The following THTPA variants were observed in gnomAD, a reference collection of about 807,000 sequenced individuals.
THTPA encodes thiamine triphosphatase.
In THTPA, 16 loss-of-function variants were observed where a neutral mutation model predicts 16.5. The ratio of observed to expected loss-of-function variants is 0.97; its 90% CI spans 0.66 to 1.47. The LOEUF (loss-of-function observed/expected upper bound fraction) is 1.47. Ranked by LOEUF, THTPA falls within the 40% of genes most tolerant of loss-of-function variation. The pLI is 0.00. For missense variants in THTPA, 281 were observed against 280.9 expected (o/e 1.00, Z 0.00); for synonymous variants, 110 against 115.5 (o/e 0.95, Z 0.30).
the THTPA span, chr14:23,533,969 G>A: frequency 3.3e-6 from 5 of 1,537,776 alleles, no homozygotes; most frequent in Non-Finnish European, 3.5e-6. This position sits in a 1 kb window ranked among gnomAD's most constrained non-coding sequence, Gnocchi z 4.8. Flanking sequence ...GGACACTTGA[G>A]TGTCTTGCAG....
intron 1 of THTPA, among the ~76,000 whole-genome samples, chr14:23,557,542 A>G (rs1208014542): frequency 1.3e-5 from 2 of 152,036 alleles, no homozygotes; most frequent in Non-Finnish European, 2.9e-5. Flanking sequence ...GGCCTGGATT[A>G]TTTTTGTAAT....
At chr14:23,525,689 T>A in the THTPA span, 3 of 1,529,798 alleles carry the variant, frequency 2.0e-6, no homozygotes, top group Admixed American at 3.9e-5. This position sits in a 1 kb window ranked among gnomAD's most constrained non-coding sequence, Gnocchi z 5.9. Context: ...CTCATTACCC[T>A]CTTTGGCCAT....
At chr14:23,526,435 G>A in the THTPA span, 44 of 1,536,350 alleles carry the variant, frequency 2.9e-5, no homozygotes, top group Non-Finnish European at 3.7e-5. Flanking sequence ...AGGTCAGAGG[G>A]TGGCGAGAGT....
chr14:23,517,424 A>G, the THTPA span, among the ~76,000 whole-genome samples: 51 of 152,310 alleles, frequency 3.3e-4, no homozygotes, highest in South Asian at 0.01. Flanking sequence ...GGCTGGGTCT[A>G]CAGACTTGCT....
chr14:23,544,690 CTAA>C, the THTPA span, among the ~76,000 whole-genome samples: 6 of 152,198 alleles, frequency 3.9e-5, no homozygotes, highest in Non-Finnish European at 8.8e-5. Context: ...TGGCCCAGCC[CTAA>C]TGAGTGTGAT....
Position 23,557,172 on chromosome 14 carries a change from GAGCCAC to G in THTPA, c.419_424del (p.Pro140_Gln141del), listed in dbSNP as rs1463399839. 1 of 1,614,028 alleles carries G rather than the reference GAGCCAC, an allele frequency of 6.2e-7. No individual in the cohort carries two copies. Among genetic ancestry groups the G allele is most frequent in the East Asian group, 2.2e-5 (1 of 44,896 alleles). On this transcript the variant is annotated inframe_deletion, in exon 1 of 2. Coordinates refer to ENST00000288014, the MANE Select transcript of THTPA (RefSeq NM_024328.6). ...GGTGCTCTTGGGAGCTGATGAAGAG[GAGCCAC>G]AGCTCAGGGTGGACTTGGATACAGC... is the stretch of plus-strand genomic sequence containing the variant.
rs746482320 is a variant in THTPA, at chr14:23,560,238, C to T, written c.*1398C>T. The T allele has an allele frequency of 6.2e-7, 1 of 1,612,586 alleles. No homozygotes were observed. The highest frequency in any genetic ancestry group is 8.5e-7 in the Non-Finnish European group (1 of 1,179,808). Reference sequence around the variant, plus strand: ...CTGGAGTCCCCAGGCCACCTCTGAACTCTGATCTTTACAAACCTTGGGCAC... The same window carrying T: ...CTGGAGTCCCCAGGCCACCTCTGAATTCTGATCTTTACAAACCTTGGGCAC... On this transcript the variant is annotated 3_prime_UTR_variant, in exon 2 of 2. Transcript: ENST00000288014.
the THTPA span, chr14:23,531,788 T>A: frequency 7.9e-7 from 1 of 1,269,478 alleles, no homozygotes; most frequent in Non-Finnish European, 9.9e-7. Flanking sequence ...GGACTTTTTT[T>A]TTTTTTCTAG....
At chr14:23,549,543 T>TA in the THTPA span, among the ~76,000 whole-genome samples, 11 of 150,258 alleles carry the variant, frequency 7.3e-5, no homozygotes, top group East Asian at 3.9e-4. Context: ...ACTGCCTCAT[T>TA]AAAAAAAAAT....
the THTPA span, among the ~76,000 whole-genome samples, chr14:23,529,075 C>A: frequency 6.6e-6 from 1 of 152,246 alleles, no homozygotes; most frequent in Non-Finnish European, 1.5e-5. Flanking sequence ...ATTGCAATAA[C>A]AATAAATGTT....
the THTPA span, chr14:23,533,173 G>A: frequency 3.5e-6 from 5 of 1,441,566 alleles, no homozygotes; most frequent in Non-Finnish European, 3.6e-6. The surrounding 1 kb of genome is among the most constrained non-coding windows in gnomAD (Gnocchi z 4.8). Flanking sequence ...GAGTAGGATA[G>A]TGCTCAGAGG....
the THTPA span, chr14:23,525,735 C>A: frequency 1.3e-6 from 2 of 1,513,642 alleles, no homozygotes; most frequent in Non-Finnish European, 1.8e-6. This position sits in a 1 kb window ranked among gnomAD's most constrained non-coding sequence, Gnocchi z 5.9. Context: ...GCCAGCTCAG[C>A]CTTGGGAGGT....
At chr14:23,524,932 G>A in the THTPA span, 44 of 1,536,150 alleles carry the variant, frequency 2.9e-5, no homozygotes, top group Middle Eastern at 5.0e-4. This position sits in a 1 kb window ranked among gnomAD's most constrained non-coding sequence, Gnocchi z 5.6. Flanking sequence ...GCCTGCAGCC[G>A]GAGGCTCCCC....
At chr14:23,512,334 C>T in the THTPA span, among the ~76,000 whole-genome samples, 3 of 151,856 alleles carry the variant, frequency 2.0e-5, no homozygotes, top group African/African-American at 7.3e-5. Context: ...TACACACACA[C>T]ACAAAAAGGA....
At chr14:23,552,481 C>T (rs1262394962), upstream of THTPA, among the ~76,000 whole-genome samples, 9 of 151,864 alleles carry the variant, frequency 5.9e-5, no homozygotes, top group African/African-American at 9.7e-5. Context: ...TTAGTAGAGA[C>T]GGGGTTTCAC....
the THTPA span, among the ~76,000 whole-genome samples, chr14:23,520,678 C>G: frequency 1.6e-3 from 250 of 151,982 alleles, 1 homozygote; most frequent in African/African-American, 5.7e-3. The surrounding 1 kb of genome is among the most constrained non-coding windows in gnomAD (Gnocchi z 8.7). Context: ...TTGGAGGCTG[C>G]GCATAGCAGG....
chr14:23,541,188 G>A, the THTPA span, among the ~76,000 whole-genome samples: 1 of 152,004 alleles, frequency 6.6e-6, no homozygotes, highest in African/African-American at 2.4e-5. Flanking sequence ...TTACAGGTGT[G>A]AGCCACTGCG....
At chr14:23,538,678 G>T in the THTPA span, among the ~76,000 whole-genome samples, 1 of 152,110 alleles carries the variant, frequency 6.6e-6, no homozygotes, top group Non-Finnish European at 1.5e-5. Context: ...AAGAGACAAG[G>T]CGACCCCTGA....
the THTPA span, among the ~76,000 whole-genome samples, chr14:23,528,353 C>G: frequency 2.6e-5 from 4 of 152,206 alleles, no homozygotes; most frequent in African/African-American, 9.6e-5. Flanking sequence ...CCTTGCACTC[C>G]TTCTTTGTCT....
Sources: gnomAD v4.1 joint callset for allele counts (sites outside exome capture counted in the v4.1 genomes callset) on GRCh38, gnomAD v4.1.1 for gene constraint, Gnocchi (gnomAD v3.1) non-coding constraint, MANE v1.5 for transcripts, NCBI Gene and HGNC (gene_info 2026-07-23, HGNC 2026-07-21) for gene names.